Variants in EGLN1 observed in about 807,000 individuals in gnomAD.
EGLN1 encodes egl nine homolog 1.
EGLN1 carries 17 observed loss-of-function variants against 38.3 expected under a neutral mutation model. That is an observed-to-expected ratio of 0.44 (90% CI 0.30 to 0.67). The LOEUF is 0.67. Ranked by LOEUF, EGLN1 falls within the 30% of genes least tolerant of loss-of-function variation. The pLI is 0.08. For synonymous variants in EGLN1, 283 were observed against 257.5 expected (o/e 1.10, Z -0.95); for missense variants, 477 against 603.3 (o/e 0.79, Z 2.19).
intron 1 of EGLN1, among the ~76,000 whole-genome samples, chr1:231,411,806 G>A (rs1425673710): frequency 2.0e-5 from 3 of 151,588 alleles, no homozygotes; most frequent in Non-Finnish European, 2.9e-5. Context: ...AGATCAGCCC[G>A]GCCAACATAA....
chr1:231,383,090 G>T (rs1688114013), intron 1 of EGLN1, among the ~76,000 whole-genome samples: 1 of 145,552 alleles, frequency 6.9e-6, no homozygotes, highest in Non-Finnish European at 1.5e-5. Flanking sequence ...AAAAAAAGGT[G>T]CTTGTCAGAT....
At chr1:231,420,455 TACAG>T (rs934599352) in intron 1 of EGLN1, 3 of 181,570 alleles carry the variant, frequency 1.7e-5, no homozygotes, top group African/African-American at 7.1e-5. Context: ...TCTTCCTGAA[TACAG>T]AGTCTTTCGA....
chr1:231,413,414 T>C (rs975481485), intron 1 of EGLN1, among the ~76,000 whole-genome samples: 2 of 152,102 alleles, frequency 1.3e-5, no homozygotes, highest in African/African-American at 4.8e-5. Flanking sequence ...TTTAATACCA[T>C]TCCTGAAAAT....
rs1191316635 is a variant in EGLN1, at chr1:231,374,159, T to TA, written c.892-61dup. Reference sequence around the variant, plus strand: ...TGTATAAATAAAAAGAGAGAACAGCTAATAAATCAGATCTCTGATTTTTGG... The same window carrying TA: ...TGTATAAATAAAAAGAGAGAACAGCTAAATAAATCAGATCTCTGATTTTTGG... On this transcript the variant is annotated intron_variant, in intron 1 of 4. Coordinates refer to ENST00000366641, the MANE Select transcript of EGLN1 (RefSeq NM_022051.3). 39 of 1,502,338 alleles carry TA rather than the reference T, an allele frequency of 2.6e-5. No homozygotes were observed. The Middle Eastern group carries it at 7.2e-4, about 28-fold the overall frequency. 93.1% of individuals were successfully genotyped at this position (1,502,338 alleles called of 1,614,324 possible). A position where few individuals can be genotyped will look rare whatever the true frequency, so the allele number is the denominator to read the frequency against.
chr1:231,368,660 T>A (rs1419265613), intron 3 of EGLN1, among the ~76,000 whole-genome samples: 1 of 152,190 alleles, frequency 6.6e-6, no homozygotes, highest in Non-Finnish European at 1.5e-5. Flanking sequence ...TTAGTTCAAA[T>A]ATATTGTGGA....
chr1:231,419,421 T>C (rs547800265), intron 1 of EGLN1, among the ~76,000 whole-genome samples: 1 of 152,208 alleles, frequency 6.6e-6, no homozygotes, highest in Non-Finnish European at 1.5e-5. Context: ...TGGGACATCA[T>C]CTTCTTCAAG....
chr1:231,417,416 C>A (rs1477989713), intron 1 of EGLN1, among the ~76,000 whole-genome samples: 1 of 152,052 alleles, frequency 6.6e-6, no homozygotes, highest in Admixed American at 6.6e-5. Context: ...TTCATAGTGG[C>A]GAAGAAACTC....
At chr1:231,372,456 A>G (rs923498671) in intron 2 of EGLN1, among the ~76,000 whole-genome samples, 1 of 152,272 alleles carries the variant, frequency 6.6e-6, no homozygotes, top group Non-Finnish European at 1.5e-5. Context: ...TTATAAGATC[A>G]GCCTAGAAAA....
intron 1 of EGLN1, among the ~76,000 whole-genome samples, chr1:231,377,354 G>A (rs1350821718): frequency 2.0e-5 from 3 of 152,192 alleles, no homozygotes; most frequent in Non-Finnish European, 4.4e-5. Flanking sequence ...AGCAAAGAGT[G>A]AAAAGAGAAG....
intron 1 of EGLN1, among the ~76,000 whole-genome samples, chr1:231,375,727 A>C (rs1403299037): frequency 6.6e-6 from 1 of 152,200 alleles, no homozygotes; most frequent in Non-Finnish European, 1.5e-5. Context: ...GTGCTCAATA[A>C]ATGATGAGCC....
In EGLN1 at chr1:231,365,212, T is replaced by G. The variant is rs185930120; in HGVS notation, c.*1199A>C. On this transcript the variant is annotated 3_prime_UTR_variant, in exon 5 of 5. Coordinates refer to ENST00000366641, the MANE Select transcript of EGLN1 (RefSeq NM_022051.3). ...ACAAGGTTCTTGTCTGCAGATCAGA[T>G]AGATCACAGTATTAGGAAAAAAACA... The G allele has an allele frequency of 1.3e-5, 2 of 152,196 alleles. No individual in the cohort carries two copies. The highest frequency in any genetic ancestry group is 4.8e-5 in the African/African-American group (2 of 41,526). 9.4% of individuals were successfully genotyped at this position (152,196 alleles called of 1,614,324 possible).
At chr1:231,414,732 A>C (rs953885031) in intron 1 of EGLN1, among the ~76,000 whole-genome samples, 4 of 102,728 alleles carry the variant, frequency 3.9e-5, no homozygotes, top group Non-Finnish European at 5.6e-5. Context: ...TAATCCCAGC[A>C]CTTTTTTTTT....
At chr1:231,418,052 G>C (rs1308237571) in intron 1 of EGLN1, among the ~76,000 whole-genome samples, 2 of 152,062 alleles carry the variant, frequency 1.3e-5, no homozygotes, top group Non-Finnish European at 2.9e-5. Flanking sequence ...AAGTTGAAAT[G>C]AGAAAAATAC....
rs1315263963 is a variant in EGLN1, at chr1:231,421,964, C to G, written c.-76G>C. 8.9e-5 allele frequency: 117 copies of G among 1,319,192 alleles called. No homozygotes were observed. The highest frequency in any genetic ancestry group is 1.1e-4 in the Non-Finnish European group (114 of 1,042,476). 81.7% of individuals were successfully genotyped at this position (1,319,192 alleles called of 1,614,324 possible). ...AGCGGCCGGACGGCCTCGCCCGAGG[C>G]TGGGGAGCGGGGAGAGAGATAGGGG... On this transcript the variant is annotated 5_prime_UTR_variant, in exon 1 of 5. Coordinates refer to ENST00000366641, the MANE Select transcript of EGLN1 (RefSeq NM_022051.3). The surrounding 1 kb of genome is among the most constrained non-coding windows in gnomAD (Gnocchi z 5.5).
chr1:231,374,065 C>T lies in EGLN1; in HGVS notation c.926G>A (p.Gly309Asp). 6.2e-7 allele frequency: 1 copy of T among 1,613,510 alleles called. No individual in the cohort carries two copies. Among genetic ancestry groups the T allele is most frequent in the Non-Finnish European group, 8.5e-7 (1 of 1,179,518 alleles). Reference protein sequence around the residue: ...MVACYPGNGTGYVRHVDNPNG... With the variant: ...MVACYPGNGTDYVRHVDNPNG... Reference sequence around the variant, plus strand: ...TGGATTATCAACATGACGTACATAACCCGTTCCATTGCCCGGATAACAAGC... The same window carrying T: ...TGGATTATCAACATGACGTACATAATCCGTTCCATTGCCCGGATAACAAGC... The change falls in exon 2 of 5, where the codon GGT becomes GAT. Residue 309 changes from glycine to aspartate, a missense_variant. By Grantham distance (94) the Gly-to-Asp change is moderately conservative. Transcript: ENST00000366641.
chr1:231,397,830 G>A (rs1035936238), intron 1 of EGLN1, among the ~76,000 whole-genome samples: 2 of 152,072 alleles, frequency 1.3e-5, no homozygotes, highest in African/African-American at 4.8e-5. Context: ...AATATACAGG[G>A]GCCAAATAGA....
chr1:231,381,556 T>C (rs1045245921), intron 1 of EGLN1, among the ~76,000 whole-genome samples: 1 of 152,088 alleles, frequency 6.6e-6, no homozygotes, highest in Admixed American at 6.5e-5. Flanking sequence ...TAGCCCATGA[T>C]TAAAAAAACT....
chr1:231,374,774 G>C (rs1687915592), intron 1 of EGLN1, among the ~76,000 whole-genome samples: 1 of 151,996 alleles, frequency 6.6e-6, no homozygotes, highest in African/African-American at 2.4e-5. Context: ...AACTCATTTA[G>C]TGTCAGTGAT....
chr1:231,416,420 T>A (rs186102667), intron 1 of EGLN1, among the ~76,000 whole-genome samples: 1 of 150,058 alleles, frequency 6.7e-6, no homozygotes, highest in Admixed American at 6.7e-5. Context: ...AAGAGTTACA[T>A]ACATACAAAA....
Sources: allele counts gnomAD v4.1 joint callset (sites outside exome capture counted in the v4.1 genomes callset), GRCh38; gene constraint gnomAD v4.1.1; non-coding constraint Gnocchi (gnomAD v3.1); transcripts MANE v1.5; gene names NCBI Gene and HGNC (gene_info 2026-07-23, HGNC 2026-07-21).